Variants in LAMC1 observed in about 807,000 individuals in gnomAD.
LAMC1 encodes laminin subunit gamma-1.
A neutral mutation model predicts 173.6 loss-of-function variants in LAMC1; 38 were observed. That is an observed-to-expected ratio of 0.22 (90% confidence interval 0.17 to 0.29). The LOEUF is 0.29. Among genes scored for constraint, LAMC1 ranks in the 10% least tolerant of loss-of-function variants. LAMC1 has a pLI of 1.00. For missense variants in LAMC1, 1,824 were observed against 2,051.8 expected (o/e 0.89, Z 2.14); for synonymous variants, 746 against 749.1 (o/e 1.00, Z 0.07).
intron 1 of LAMC1, among the ~76,000 whole-genome samples, chr1:183,092,828 A>C (rs992305824): frequency 1.3e-5 from 2 of 152,082 alleles, no homozygotes; most frequent in Non-Finnish European, 2.9e-5. Context: ...ATCCACTCCA[A>C]ACCACCAGAG....
At chr1:183,128,057 G>C (rs890738784) in intron 17 of LAMC1, among the ~76,000 whole-genome samples, 2 of 152,196 alleles carry the variant, frequency 1.3e-5, no homozygotes, top group Admixed American at 1.3e-4. Context: ...GATAGGAAAA[G>C]AGAAGAATAA....
intron 2 of LAMC1, among the ~76,000 whole-genome samples, chr1:183,104,492 T>C (rs1655916185): frequency 6.6e-6 from 1 of 152,210 alleles, no homozygotes; most frequent in Non-Finnish European, 1.5e-5. Flanking sequence ...AACAACCACA[T>C]GGGGATAGCC....
At chr1:183,108,627 A>G (rs1206878541) in intron 3 of LAMC1, among the ~76,000 whole-genome samples, 2 of 152,226 alleles carry the variant, frequency 1.3e-5, no homozygotes, top group Non-Finnish European at 2.9e-5. Context: ...GAAACTAAGC[A>G]TGTAGGTTTT....
intron 23 of LAMC1, 50 bp downstream of exon 23, chr1:183,134,859 G>A: frequency 6.4e-7 from 1 of 1,559,566 alleles, no homozygotes; most frequent in Non-Finnish European, 8.8e-7. Flanking sequence ...CATTTGAACA[G>A]TCCAAATGGG....
intron 1 of LAMC1, among the ~76,000 whole-genome samples, chr1:183,101,679 T>C (rs547552594): frequency 6.6e-6 from 1 of 152,198 alleles, no homozygotes; most frequent in Admixed American, 6.5e-5. Context: ...TCTTCATTTT[T>C]ACAAAGAGAA....
Position 183,124,835 on chromosome 1 carries a change from T to G in LAMC1, c.2606T>G (p.Phe869Cys), listed in dbSNP as rs566487522. The stretch of plus-strand genomic sequence containing the variant: ...TGTGACCGGTGCAAAGACGGATTTT[T>G]TGGAAATCCCCTGGCTCCCAATCCA... The part of the protein sequence containing the change: ...FYCDRCKDGF[F>C]GNPLAPNPAD... Residue 869 changes from phenylalanine (F) to cysteine (C), a missense_variant, in exon 14 of 28, where the codon TTT becomes TGT. Transcript: ENST00000258341. 6.2e-7 allele frequency: 1 copy of G among 1,614,206 alleles called. No individual in the cohort carries two copies. The highest frequency in any genetic ancestry group is 1.7e-5 in the Admixed American group (1 of 60,030).
intron 11 of LAMC1, among the ~76,000 whole-genome samples, chr1:183,119,824 T>C (rs994077668): frequency 6.6e-6 from 1 of 152,064 alleles, no homozygotes; most frequent in African/African-American, 2.4e-5. Flanking sequence ...GCTAGCATCG[T>C]TGGGTTTTGG....
At chr1:183,116,975 C>G in intron 8 of LAMC1, 72 bp downstream of exon 8, 1 of 1,457,266 alleles carries the variant, frequency 6.9e-7, no homozygotes, top group Non-Finnish European at 9.4e-7. Flanking sequence ...AAAATAAAAT[C>G]AGTGACTCTT....
In LAMC1 at chr1:183,134,730, A is replaced by G. The variant is rs765714076; in HGVS notation, c.3920A>G (p.Tyr1307Cys). The change falls in exon 23 of 28, where the codon TAT (tyrosine) becomes TGT (cysteine). Residue 1307 changes from tyrosine to cysteine, a missense_variant. By Grantham distance (194) the Tyr-to-Cys change is radical. Transcript: ENST00000258341. ...CTGATTGACCAGAAATTAAAAGATT[A>G]TGAGGACCTCAGAGAAGATATGAGA... ...EQLIDQKLKD[Y>C]EDLREDMRGK... 5 of 1,613,364 alleles carry G rather than the reference A, an allele frequency of 3.1e-6. No homozygotes were observed. In the East Asian group the frequency reaches 1.1e-4, roughly 36 times the overall value.
chr1:183,092,945 C>T (rs1303773479), intron 1 of LAMC1, among the ~76,000 whole-genome samples: 4 of 152,098 alleles, frequency 2.6e-5, no homozygotes, highest in Non-Finnish European at 4.4e-5. Context: ...CTTGAACACC[C>T]CTTTCCCCCT....
intron 5 of LAMC1, 149 bp downstream of exon 5, chr1:183,114,868 C>T: frequency 1.3e-6 from 1 of 785,152 alleles, no homozygotes. Flanking sequence ...CTGTCTCTAC[C>T]CCATGCCTCC....
intron 1 of LAMC1, among the ~76,000 whole-genome samples, chr1:183,083,273 C>T (rs78894284): frequency 0.012 from 1,765 of 152,148 alleles, 28 homozygotes; most frequent in African/African-American, 0.038. Context: ...CAACTTTAAA[C>T]TTTAAAGTTG....
chr1:183,031,955 A>G (rs1014601766), intron 1 of LAMC1, among the ~76,000 whole-genome samples: 12 of 152,148 alleles, frequency 7.9e-5, no homozygotes, highest in African/African-American at 2.7e-4. Flanking sequence ...CACATATGTA[A>G]AAGGGCCCTG....
chr1:183,070,007 G>A (rs1030451968), intron 1 of LAMC1, among the ~76,000 whole-genome samples: 2 of 152,184 alleles, frequency 1.3e-5, no homozygotes, highest in Non-Finnish European at 2.9e-5. Context: ...CACAGTGCCC[G>A]GCACACAGTC....
At chr1:183,140,785 G>T in intron 27 of LAMC1, 1 of 205,338 alleles carries the variant, frequency 4.9e-6, no homozygotes, top group Non-Finnish European at 9.7e-6. Context: ...ATGACTTTAG[G>T]CTGTGTTAAT....
chr1:183,063,357 C>T (rs1034399890), intron 1 of LAMC1, among the ~76,000 whole-genome samples: 2 of 152,112 alleles, frequency 1.3e-5, no homozygotes, highest in Non-Finnish European at 2.9e-5. Context: ...TTTTAAAACA[C>T]CTCATTAGAA....
chr1:183,058,312 T>C (rs1015724896), intron 1 of LAMC1, among the ~76,000 whole-genome samples: 1 of 152,198 alleles, frequency 6.6e-6, no homozygotes, highest in African/African-American at 2.4e-5. Flanking sequence ...TTACAATGCT[T>C]TGCATTTTGT....
intron 1 of LAMC1, among the ~76,000 whole-genome samples, chr1:183,096,948 G>T (rs1024461837): frequency 2.0e-5 from 3 of 152,204 alleles, no homozygotes; most frequent in Admixed American, 2.0e-4. Flanking sequence ...CACTGTACCA[G>T]ACCATCTTGG....
chr1:183,103,852 G>A (rs1013921638), intron 2 of LAMC1, among the ~76,000 whole-genome samples: 3 of 152,130 alleles, frequency 2.0e-5, no homozygotes, highest in Non-Finnish European at 4.4e-5. Context: ...TTGTTCTTAT[G>A]CACTTGCAGA....
Sources: allele counts gnomAD v4.1 joint callset (sites outside exome capture counted in the v4.1 genomes callset), GRCh38; gene constraint gnomAD v4.1.1; transcripts MANE v1.5; gene names NCBI Gene and HGNC (gene_info 2026-07-23, HGNC 2026-07-21).